AKAIN1: variants seen among roughly 807,000 people sequenced by gnomAD.
AKAIN1 encodes the protein A-kinase anchor inhibitor 1.
Under a neutral mutation model 3.7 loss-of-function variants are expected in AKAIN1, and 3 were observed. The ratio of observed to expected loss-of-function variants is 0.82; its 90% CI spans 0.37 to 2.12. The LOEUF is 2.12. Among genes scored for constraint, AKAIN1 ranks in the 30% most tolerant of loss-of-function variants. The pLI is 0.06. For synonymous variants in AKAIN1, 31 were observed against 30.8 expected, an observed-to-expected ratio of 1.01 and a Z score of -0.02; for missense variants, 82 against 82.7, an observed-to-expected ratio of 0.99 and a Z score of 0.03.
intron 1 of AKAIN1, among the ~76,000 whole-genome samples, chr18:5,166,450 C>T (rs576226449): frequency 3.9e-5 from 6 of 152,084 alleles, no homozygotes; most frequent in South Asian, 2.1e-4. Context: ...TATAGACACA[C>T]GGACCACTAT....
intron 1 of AKAIN1, among the ~76,000 whole-genome samples, chr18:5,196,111 A>G (rs75659157): frequency 0.013 from 2,027 of 152,196 alleles, 46 homozygotes; most frequent in African/African-American, 0.045. Context: ...CAAGTTAAAG[A>G]CCCCAGGAAC....
chr18:5,182,679 A>G (rs542991382), intron 1 of AKAIN1, among the ~76,000 whole-genome samples: 65 of 152,230 alleles, frequency 4.3e-4, no homozygotes, highest in African/African-American at 1.5e-3. Flanking sequence ...TTTTCACCTC[A>G]AGAAAGCTCA....
upstream of AKAIN1, chr18:5,197,650 T>A (rs1335199357): frequency 4.9e-6 from 2 of 410,474 alleles, no homozygotes; most frequent in Non-Finnish European, 8.4e-6. The surrounding 1 kb of genome is among the most constrained non-coding windows in gnomAD (Gnocchi z 6.9). Flanking sequence ...CCCAGTCCTC[T>A]GCTAACGTCA....
At chr18:5,193,287 T>C (rs2071331900) in intron 1 of AKAIN1, among the ~76,000 whole-genome samples, 1 of 152,202 alleles carries the variant, frequency 6.6e-6, no homozygotes, top group East Asian at 1.9e-4. Flanking sequence ...CCTTGCCTAA[T>C]TTTTATGCAA....
intron 1 of AKAIN1, among the ~76,000 whole-genome samples, chr18:5,189,852 C>G (rs2071309525): frequency 6.6e-6 from 1 of 152,050 alleles, no homozygotes; most frequent in Non-Finnish European, 1.5e-5. Flanking sequence ...TCTTCCAGCT[C>G]CTACTCATTA....
intron 1 of AKAIN1, among the ~76,000 whole-genome samples, chr18:5,182,875 A>C (rs1204388568): frequency 1.3e-5 from 2 of 152,108 alleles, no homozygotes; most frequent in Non-Finnish European, 2.9e-5. Flanking sequence ...GACAGAGTCC[A>C]TTTCTCTGCA....
At chr18:5,148,421 C>A (rs1039660033) in intron 1 of AKAIN1, among the ~76,000 whole-genome samples, 2 of 152,190 alleles carry the variant, frequency 1.3e-5, no homozygotes, top group African/African-American at 4.8e-5. Context: ...CAAGCAATTT[C>A]TTTTTAAAGA....
At chr18:5,169,061 A>G (rs1222485154) in intron 1 of AKAIN1, among the ~76,000 whole-genome samples, 2 of 152,036 alleles carry the variant, frequency 1.3e-5, no homozygotes, top group Non-Finnish European at 2.9e-5. Flanking sequence ...GCGGGCTGGC[A>G]ATCTGGATAA....
At position 5,197,176 on chromosome 18, in the gene AKAIN1, G is replaced by A. The variant is rs2143051971; in HGVS notation, c.-123C>T. 4 of 1,507,786 alleles carry A rather than the reference G, an allele frequency of 2.7e-6. No homozygotes were observed. The South Asian group carries it at 5.0e-5, about 19-fold the overall frequency. The allele number at this position is 1,507,786 out of a possible 1,614,324, so 93.4% of individuals were successfully genotyped here. On this transcript the variant is annotated 5_prime_UTR_variant, in exon 1 of 2. Coordinates refer to ENST00000434239, the MANE Select transcript of AKAIN1 (RefSeq NM_001145194.2). The surrounding 1 kb of genome is among the most constrained non-coding windows in gnomAD (Gnocchi z 6.9). ...GCGCGCTGGGCGGGCGGCGGGCGGG[G>A]CGGTCAGCACCCCGGACAGCTCCCG...
At chr18:5,186,957 G>A (rs1223705878) in intron 1 of AKAIN1, among the ~76,000 whole-genome samples, 1 of 151,998 alleles carries the variant, frequency 6.6e-6, no homozygotes, top group Non-Finnish European at 1.5e-5. Flanking sequence ...ACAAAAAGGA[G>A]GTTTCAAGGG....
chr18:5,159,304 C>T (rs373109641), intron 1 of AKAIN1: 1 of 152,098 alleles, frequency 6.6e-6, no homozygotes, highest in African/African-American at 2.4e-5. Flanking sequence ...GTGTCTCACC[C>T]TGTGTCTCAG....
chr18:5,190,476 T>C (rs2071312560), intron 1 of AKAIN1, among the ~76,000 whole-genome samples: 1 of 152,226 alleles, frequency 6.6e-6, no homozygotes. Flanking sequence ...ATTAATGACC[T>C]CCCTATGAAC....
At chr18:5,174,270 A>G (rs897996530) in intron 1 of AKAIN1, among the ~76,000 whole-genome samples, 1 of 152,148 alleles carries the variant, frequency 6.6e-6, no homozygotes, top group African/African-American at 2.4e-5. Flanking sequence ...CAGTGCACAT[A>G]GAATTCCCTT....
chr18:5,184,720 A>G (rs2071277514), intron 1 of AKAIN1, among the ~76,000 whole-genome samples: 2 of 152,204 alleles, frequency 1.3e-5, no homozygotes, highest in African/African-American at 4.8e-5. Flanking sequence ...AAAACATTCC[A>G]TGCTCAAGAA....
Position 5,197,253 on chromosome 18 carries a change from A to G in AKAIN1, c.-200T>C. 7 of 1,379,118 alleles carry G rather than the reference A, an allele frequency of 5.1e-6. No individual in the cohort carries two copies. The highest frequency in any genetic ancestry group is 1.5e-5 in the African/African-American group (1 of 65,164). The allele number at this position is 1,379,118 out of a possible 1,614,324, so 85.4% of individuals were successfully genotyped here. A position where few individuals can be genotyped will look rare whatever the true frequency, so the allele number is the denominator to read the frequency against. ...AGCCGCCGCCGCGCGCTCTGCCTCC[A>G]CAATGCGGCCACAGCGGCGGCGGGA... On this transcript the variant is annotated 5_prime_UTR_variant, in exon 1 of 2. Coordinates refer to ENST00000434239, the MANE Select transcript of AKAIN1 (RefSeq NM_001145194.2). The surrounding 1 kb of genome is among the most constrained non-coding windows in gnomAD (Gnocchi z 6.9).
intron 1 of AKAIN1, among the ~76,000 whole-genome samples, chr18:5,146,051 T>C (rs1047893884): frequency 6.6e-6 from 1 of 152,244 alleles, no homozygotes; most frequent in Non-Finnish European, 1.5e-5. Flanking sequence ...TAATATAATA[T>C]AAATGTAATG....
At chr18:5,182,463 A>C (rs557200634) in intron 1 of AKAIN1, among the ~76,000 whole-genome samples, 40 of 152,108 alleles carry the variant, frequency 2.6e-4, no homozygotes, top group South Asian at 6.2e-4. Flanking sequence ...TCAAATAGGC[A>C]TATCAGCAAG....
chr18:5,195,950 A>G (rs1260293112), intron 1 of AKAIN1, among the ~76,000 whole-genome samples: 1 of 151,948 alleles, frequency 6.6e-6, no homozygotes, highest in Non-Finnish European at 1.5e-5. Context: ...TCTGAGGGGG[A>G]GGGGGAGGGG....
At chr18:5,178,197 T>G (rs1002134695) in intron 1 of AKAIN1, among the ~76,000 whole-genome samples, 3 of 152,086 alleles carry the variant, frequency 2.0e-5, no homozygotes, top group Non-Finnish European at 4.4e-5. Flanking sequence ...CCCTCCTGCT[T>G]ATTGATATGC....
Sources: allele counts gnomAD v4.1 joint callset (sites outside exome capture counted in the v4.1 genomes callset), GRCh38; gene constraint gnomAD v4.1.1; non-coding constraint Gnocchi (gnomAD v3.1); transcripts MANE v1.5; gene names NCBI Gene and HGNC (gene_info 2026-07-23, HGNC 2026-07-21).